PDZRN3: variants seen among roughly 807,000 people sequenced by gnomAD.
PDZRN3 encodes E3 ubiquitin-protein ligase PDZRN3.
PDZRN3 carries 38 observed loss-of-function variants against 85.7 expected under a neutral mutation model. That is an observed-to-expected ratio of 0.44 (90% CI 0.34 to 0.58). The LOEUF (loss-of-function observed/expected upper bound fraction) is 0.58. PDZRN3 is among the 20% of genes least tolerant of loss of function. The probability of loss-of-function intolerance (pLI) is 0.01; values close to 1 mark genes in which losing one functional copy is unlikely to be tolerated. For missense variants in PDZRN3, 1,629 were observed against 1,506.4 expected (o/e 1.08, Z -1.35); for synonymous variants, 759 against 638.0 (o/e 1.19, Z -2.86).
chr3:73,388,509 G>C (rs1034434945), intron 7 of PDZRN3, among the ~76,000 whole-genome samples: 3 of 152,192 alleles, frequency 2.0e-5, no homozygotes, highest in Non-Finnish European at 4.4e-5. Flanking sequence ...GGTGTTTTGT[G>C]TCCCCAGTTT....
At chr3:73,542,985 G>T (rs1342441551) in intron 3 of PDZRN3, among the ~76,000 whole-genome samples, 1 of 152,010 alleles carries the variant, frequency 6.6e-6, no homozygotes, top group East Asian at 1.9e-4. Context: ...CCAAGTGTCT[G>T]GTACTTCTGG....
In PDZRN3 at chr3:73,408,292, G is replaced by C. The variant is rs901025225; in HGVS notation, c.919-3897C>G. 1.4e-4 allele frequency: 95 copies of C among 693,544 alleles called. No homozygotes were observed. The East Asian group carries it at 2.1e-3, about 16-fold the overall frequency. The allele number at this position is 693,544 out of a possible 1,614,324, so 43.0% of individuals were successfully genotyped here. A position where few individuals can be genotyped will look rare whatever the true frequency, so the allele number is the denominator to read the frequency against. ...AATAAATATAGCATCATGCTTTTTAGGGTAATATAAAGTTTAGATGAGATA... is the reference window on the plus strand; with the variant it reads ...AATAAATATAGCATCATGCTTTTTACGGTAATATAAAGTTTAGATGAGATA... On this transcript the variant is annotated intron_variant, in intron 3 of 9. Transcript: ENST00000263666.
At chr3:73,428,663 G>T (rs1179197990) in intron 3 of PDZRN3, among the ~76,000 whole-genome samples, 5 of 152,192 alleles carry the variant, frequency 3.3e-5, no homozygotes, top group African/African-American at 1.2e-4. Context: ...AAAGCTTTGT[G>T]TCTTAAGAGG....
At position 73,384,229 on chromosome 3, in the gene PDZRN3, C is replaced by G. The variant is rs1343869786; in HGVS notation, c.2337G>C (p.Leu779Phe). The G allele has an allele frequency of 6.2e-7, 1 of 1,613,734 alleles. No homozygotes were observed. The highest frequency in any genetic ancestry group is 8.5e-7 in the Non-Finnish European group (1 of 1,179,998). ...LTLEISPDNSLRRAAEGISCP... is the reference protein window; with the variant it reads ...LTLEISPDNSFRRAAEGISCP... ...AGCTGATGCCCTCCGCCGCTCTCCT[C>G]AAGGAGTTGTCGGGGGAGATCTCCA... Residue 779 changes from leucine (L) to phenylalanine (F), a missense_variant, in exon 10 of 10, where the codon TTG becomes TTC. By Grantham distance (22) the Leu-to-Phe change is conservative (BLOSUM62 0). Coordinates refer to ENST00000263666, the MANE Select transcript of PDZRN3 (RefSeq NM_015009.3).
intron 3 of PDZRN3, among the ~76,000 whole-genome samples, chr3:73,410,532 C>T (rs1254106920): frequency 6.6e-6 from 1 of 152,220 alleles, no homozygotes; most frequent in Non-Finnish European, 1.5e-5. Flanking sequence ...TTACAACCAT[C>T]AGATCCCCTC....
intron 3 of PDZRN3, among the ~76,000 whole-genome samples, chr3:73,527,394 C>T (rs904632541): frequency 7.9e-5 from 12 of 152,154 alleles, no homozygotes; most frequent in East Asian, 1.9e-4. Context: ...CCATTAGAAA[C>T]GGATATCTTG....
chr3:73,459,206 A>T (rs1438396344), intron 3 of PDZRN3, among the ~76,000 whole-genome samples: 1 of 152,136 alleles, frequency 6.6e-6, no homozygotes, highest in Non-Finnish European at 1.5e-5. Context: ...TAAGAACAGT[A>T]CTGGGGAAAC....
intron 3 of PDZRN3, chr3:73,474,405 AT>A (rs1703408104): frequency 9.4e-7 from 1 of 1,065,064 alleles, no homozygotes; most frequent in African/African-American, 1.6e-5. Context: ...ATACAATCAC[AT>A]CTTATAATTA....
chr3:73,449,374 AAAAG>A (rs1702813429), intron 3 of PDZRN3, among the ~76,000 whole-genome samples: 2 of 152,082 alleles, frequency 1.3e-5, no homozygotes, highest in African/African-American at 4.8e-5. Flanking sequence ...TTTAAAAAAA[AAAAG>A]AGAGAGAGGG....
At chr3:73,421,005 C>G (rs1050912858) in intron 3 of PDZRN3, among the ~76,000 whole-genome samples, 1 of 152,196 alleles carries the variant, frequency 6.6e-6, no homozygotes, top group Non-Finnish European at 1.5e-5. Context: ...ATACCTAATA[C>G]AATGCCTACA....
chr3:73,604,226 C>T (rs1031673668), intron 2 of PDZRN3, among the ~76,000 whole-genome samples: 11 of 152,236 alleles, frequency 7.2e-5, no homozygotes, highest in African/African-American at 2.4e-4. Context: ...AGTCTGAACA[C>T]ATCCGTGTAG....
intron 3 of PDZRN3, among the ~76,000 whole-genome samples, chr3:73,457,261 T>C (rs1703003725): frequency 1.3e-5 from 2 of 151,976 alleles, no homozygotes; most frequent in Non-Finnish European, 2.9e-5. Context: ...TTAGTAGAGA[T>C]GAGGTTTTAC....
At chr3:73,531,721 C>CT (rs1704660162) in intron 3 of PDZRN3, among the ~76,000 whole-genome samples, 1 of 152,204 alleles carries the variant, frequency 6.6e-6, no homozygotes. Context: ...ATTCCCAATG[C>CT]TACACACAGA....
chr3:73,614,136 A>G (rs1469640996), intron 1 of PDZRN3, among the ~76,000 whole-genome samples: 1 of 152,154 alleles, frequency 6.6e-6, no homozygotes, highest in Non-Finnish European at 1.5e-5. Flanking sequence ...ACCCCAAATA[A>G]TCTTCTCAGC....
At chr3:73,470,642 C>T (rs886188989) in intron 3 of PDZRN3, among the ~76,000 whole-genome samples, 3 of 152,148 alleles carry the variant, frequency 2.0e-5, no homozygotes, top group Admixed American at 6.5e-5. Context: ...TCCTATGCTC[C>T]TTGACAAGTC....
At chr3:73,516,600 C>T (rs945688643) in intron 3 of PDZRN3, among the ~76,000 whole-genome samples, 3 of 152,126 alleles carry the variant, frequency 2.0e-5, no homozygotes, top group African/African-American at 7.2e-5. Flanking sequence ...TTTTGCCATA[C>T]ATAAGTTTTA....
chr3:73,501,087 T>C (rs1258173112), intron 3 of PDZRN3, among the ~76,000 whole-genome samples: 1 of 152,248 alleles, frequency 6.6e-6, no homozygotes, highest in Non-Finnish European at 1.5e-5. Context: ...ACTTGTAATT[T>C]TTGAAACTCT....
chr3:73,592,512 C>A (rs566754292), intron 3 of PDZRN3, among the ~76,000 whole-genome samples: 17 of 151,996 alleles, frequency 1.1e-4, no homozygotes, highest in Admixed American at 1.1e-3. Context: ...ATTAGAAGAG[C>A]CTAAAGGGCA....
intron 3 of PDZRN3, among the ~76,000 whole-genome samples, chr3:73,453,986 T>C (rs956029562): frequency 2.6e-5 from 4 of 152,254 alleles, no homozygotes; most frequent in African/African-American, 9.6e-5. Context: ...TGGCCTACAC[T>C]GTTTAAAGTA....
Sources: allele counts gnomAD v4.1 joint callset (sites outside exome capture counted in the v4.1 genomes callset), GRCh38; gene constraint gnomAD v4.1.1; transcripts MANE v1.5; gene names NCBI Gene and HGNC (gene_info 2026-07-23, HGNC 2026-07-21).